Variants in CTNNA2 observed in about 807,000 individuals in gnomAD.
CTNNA2 encodes catenin alpha-2.
CTNNA2 carries 42 observed loss-of-function variants against 101.0 expected under a neutral mutation model. That is an observed-to-expected ratio of 0.42 (90% confidence interval 0.32 to 0.54). The LOEUF (loss-of-function observed/expected upper bound fraction) is 0.54. Ranked by LOEUF, CTNNA2 falls within the 20% of genes least tolerant of loss-of-function variation. The pLI, the probability that CTNNA2 is intolerant of heterozygous loss-of-function variation, is 0.14. For synonymous variants in CTNNA2, 450 were observed against 456.4 expected (o/e 0.99, Z 0.18); for missense variants, 871 against 1,223.1 (o/e 0.71, Z 4.29).
intron 7 of CTNNA2, among the ~76,000 whole-genome samples, chr2:79,989,360 C>T (rs570418213): frequency 5.7e-4 from 87 of 152,268 alleles, no homozygotes; most frequent in African/African-American, 2.0e-3. Flanking sequence ...CAGTGGCTCA[C>T]GCCTGTAATC....
intron 7 of CTNNA2, among the ~76,000 whole-genome samples, chr2:79,993,541 A>G (rs1250694119): frequency 2.0e-5 from 3 of 152,352 alleles, no homozygotes; most frequent in Non-Finnish European, 2.9e-5. Flanking sequence ...CAAAGGTAGT[A>G]AATGATTAAG....
At chr2:79,884,855 C>T (rs1401351878) in intron 6 of CTNNA2, among the ~76,000 whole-genome samples, 3 of 151,328 alleles carry the variant, frequency 2.0e-5, no homozygotes, top group African/African-American at 7.3e-5. Context: ...GATGCGACAT[C>T]TGCATCTCAG....
At chr2:79,806,755 T>C (rs1161246925) in intron 3 of CTNNA2, among the ~76,000 whole-genome samples, 5 of 151,988 alleles carry the variant, frequency 3.3e-5, no homozygotes, top group Admixed American at 6.6e-5. Context: ...AACCTGCCCC[T>C]TCCTCCTGCT....
chr2:80,638,264 TTAATGCC>T, intron 18 of CTNNA2, among the ~76,000 whole-genome samples: 1 of 152,254 alleles, frequency 6.6e-6, no homozygotes, highest in Non-Finnish European at 1.5e-5. Context: ...AGATCAACAG[TTAATGCC>T]TTATGTATTC....
intron 14 of CTNNA2, among the ~76,000 whole-genome samples, chr2:80,582,172 GTTC>G (rs747918105): frequency 6.6e-6 from 1 of 152,144 alleles, no homozygotes; most frequent in Non-Finnish European, 1.5e-5. Flanking sequence ...AGTCACCATT[GTTC>G]TTCCTGAAGT....
chr2:79,882,831 A>G (rs557149434), intron 6 of CTNNA2, among the ~76,000 whole-genome samples: 4 of 152,196 alleles, frequency 2.6e-5, no homozygotes, highest in Non-Finnish European at 5.9e-5. Context: ...TGCCTGTAGC[A>G]TGGGTTTGCA....
intron 1 of CTNNA2, among the ~76,000 whole-genome samples, chr2:79,593,083 A>T (rs1364445426): frequency 6.6e-6 from 1 of 152,202 alleles, no homozygotes; most frequent in East Asian, 1.9e-4. Flanking sequence ...AAATGGAATT[A>T]TATATATATT....
intron 3 of CTNNA2, among the ~76,000 whole-genome samples, chr2:79,321,211 T>G (rs944101110): frequency 3.9e-5 from 6 of 152,156 alleles, no homozygotes; most frequent in Non-Finnish European, 7.4e-5. Flanking sequence ...GAACAATAAC[T>G]AAGGCTTAAA....
At chr2:80,111,698 C>T (rs552036436) in intron 7 of CTNNA2, among the ~76,000 whole-genome samples, 45 of 152,186 alleles carry the variant, frequency 3.0e-4, no homozygotes, top group Admixed American at 7.9e-4. Flanking sequence ...TGCACCACCA[C>T]GCTAGGCTAA....
intron 1 of CTNNA2, among the ~76,000 whole-genome samples, chr2:79,546,652 A>G (rs1673749066): frequency 1.3e-5 from 2 of 152,140 alleles, no homozygotes; most frequent in South Asian, 4.1e-4. Context: ...ACAAACCAAA[A>G]TGTGGTTTAT....
chr2:80,404,449 T>A (rs1014708185), intron 8 of CTNNA2, among the ~76,000 whole-genome samples: 3 of 152,184 alleles, frequency 2.0e-5, no homozygotes, highest in Admixed American at 1.3e-4. Flanking sequence ...ATATCACATA[T>A]CTTCTTAACT....
chr2:80,251,842 G>A (rs541405863), intron 7 of CTNNA2, among the ~76,000 whole-genome samples: 3 of 152,304 alleles, frequency 2.0e-5, no homozygotes, highest in East Asian at 3.9e-4. Context: ...TTCTGGTGGA[G>A]TCTAGCCAAC....
chr2:79,466,394 G>A (rs1350203712), intron 4 of CTNNA2, among the ~76,000 whole-genome samples: 1 of 152,192 alleles, frequency 6.6e-6, no homozygotes, highest in Non-Finnish European at 1.5e-5. Context: ...CTCGAACTGG[G>A]TGGAGCCCAC....
intron 8 of CTNNA2, among the ~76,000 whole-genome samples, chr2:80,393,739 C>T (rs1253358520): frequency 6.6e-6 from 1 of 152,024 alleles, no homozygotes; most frequent in Non-Finnish European, 1.5e-5. Context: ...CAGTGTATTC[C>T]CTTGGGAACA....
rs576237281 is a variant in CTNNA2 at position 80,504,252 on chromosome 2, C to T, written c.1291-40730C>T. ...TTTCACTTTCTTGCCAGCCGTTAGCCAGGGGCTACTCTTTGTTCCCACCCG... is the reference window on the plus strand; with the variant it reads ...TTTCACTTTCTTGCCAGCCGTTAGCTAGGGGCTACTCTTTGTTCCCACCCG... On this transcript the variant is annotated intron_variant, in intron 9 of 18. Coordinates refer to ENST00000402739, the MANE Select transcript of CTNNA2 (RefSeq NM_001282597.3). 5.3e-5 allele frequency among the ~76,000 whole-genome samples: 8 copies of T among 152,250 alleles called. No homozygotes were observed. In the South Asian group the frequency reaches 1.7e-3, roughly 32 times the overall value.
intron 6 of CTNNA2, among the ~76,000 whole-genome samples, chr2:79,904,180 T>C (rs1685260442): frequency 6.6e-6 from 1 of 152,170 alleles, no homozygotes; most frequent in South Asian, 2.1e-4. Context: ...CTCTCAACTG[T>C]GCAAATTGCC....
chr2:80,038,067 GAA>G (rs11346916), intron 7 of CTNNA2, among the ~76,000 whole-genome samples: 3 of 151,128 alleles, frequency 2.0e-5, no homozygotes, highest in East Asian at 2.0e-4. Flanking sequence ...TTTGAAAATT[GAA>G]AAAAAAAACT....
intron 7 of CTNNA2, among the ~76,000 whole-genome samples, chr2:80,206,587 T>A (rs1167327832): frequency 6.6e-6 from 1 of 152,170 alleles, no homozygotes; most frequent in Non-Finnish European, 1.5e-5. Flanking sequence ...CTACATATAG[T>A]GCGGGCAGGG....
intron 3 of CTNNA2, among the ~76,000 whole-genome samples, chr2:79,751,614 A>G (rs867018721): frequency 0.02 from 2,821 of 141,456 alleles, 88 homozygotes; most frequent in African/African-American, 0.074. Flanking sequence ...AAAAAAAAAA[A>G]AGAAAGAAAG....
Sources: gnomAD v4.1 joint callset for allele counts (sites outside exome capture counted in the v4.1 genomes callset) on GRCh38, gnomAD v4.1.1 for gene constraint, MANE v1.5 for transcripts, NCBI Gene and HGNC (gene_info 2026-07-23, HGNC 2026-07-21) for gene names.